The following ITPR2 variants were observed in gnomAD, a reference collection of about 807,000 sequenced individuals.
ITPR2 encodes inositol 1,4,5-trisphosphate receptor type 2.
A neutral mutation model predicts 317.1 loss-of-function variants in ITPR2; 207 were observed. The ratio of observed to expected loss-of-function variants is 0.65; its 90% CI spans 0.58 to 0.73. The LOEUF is 0.73. Among genes scored for constraint, ITPR2 ranks in the 30% least tolerant of loss-of-function variants. The pLI is 0.00. For synonymous variants in ITPR2, 1,156 were observed against 1,149.1 expected (o/e 1.01, Z -0.12); for missense variants, 2,613 against 3,284.0 (o/e 0.80, Z 4.99).
At chr12:26,748,773 T>A (rs1949368403) in intron 2 of ITPR2, among the ~76,000 whole-genome samples, 1 of 152,166 alleles carries the variant, frequency 6.6e-6, no homozygotes, top group Admixed American at 6.5e-5. Context: ...GGGTGATGAG[T>A]CACTGGAGAG....
chr12:26,404,167 G>A (rs1464429151), intron 52 of ITPR2, among the ~76,000 whole-genome samples: 1 of 152,146 alleles, frequency 6.6e-6, no homozygotes, highest in Non-Finnish European at 1.5e-5. Flanking sequence ...GGAGAGAAGA[G>A]GCAAAGGATG....
intron 45 of ITPR2, among the ~76,000 whole-genome samples, chr12:26,457,532 A>G (rs748717048): frequency 3.3e-5 from 5 of 152,198 alleles, no homozygotes; most frequent in African/African-American, 4.8e-5. Flanking sequence ...GTGTTAGAGA[A>G]CACTCTACAG....
intron 26 of ITPR2, among the ~76,000 whole-genome samples, chr12:26,606,352 CT>C (rs1334698402): frequency 1.3e-5 from 2 of 152,136 alleles, no homozygotes; most frequent in Admixed American, 6.6e-5. Context: ...TTTATTCCCC[CT>C]AATAGAATAT....
intron 55 of ITPR2, among the ~76,000 whole-genome samples, chr12:26,344,989 C>T (rs1036478724): frequency 1.3e-5 from 2 of 152,112 alleles, no homozygotes; most frequent in Non-Finnish European, 1.5e-5. Context: ...TGTTTCTCAG[C>T]CTTTTCTCTC....
Position 26,595,445 on chromosome 12 carries a change from G to A in ITPR2, c.4380+20C>T, listed in dbSNP as rs762944417. The A allele has an allele frequency of 1.2e-6, 2 of 1,600,424 alleles. No homozygotes were observed. Among genetic ancestry groups the A allele is most frequent in the Non-Finnish European group, 1.7e-6 (2 of 1,175,878 alleles). On this transcript the variant is annotated intron_variant, in intron 32 of 56. Transcript: ENST00000381340. ...TCGAAATATCTATTGACACCCTTCA[G>A]TAGTCAAAATCTAACTTACCCTTGC... is the stretch of plus-strand genomic sequence containing the variant.
intron 34 of ITPR2, among the ~76,000 whole-genome samples, chr12:26,562,603 A>C (rs1278478665): frequency 6.6e-6 from 1 of 152,236 alleles, no homozygotes; most frequent in Non-Finnish European, 1.5e-5. Context: ...AGAAGAGAAG[A>C]AACTGCCCCA....
chr12:26,439,047 T>G, intron 47 of ITPR2, 80 bp downstream of exon 47: 133 of 832,176 alleles, frequency 1.6e-4, no homozygotes, highest in Middle Eastern at 4.7e-4. Flanking sequence ...ACAATTTAAA[T>G]GAGCTGCATC....
intron 1 of ITPR2, among the ~76,000 whole-genome samples, chr12:26,792,069 A>T (rs528329271): frequency 1.5e-4 from 23 of 152,288 alleles, no homozygotes; most frequent in Non-Finnish European, 3.2e-4. Context: ...CATCAAGAGG[A>T]ATGAGAACTG....
At position 26,814,477 on chromosome 12, in the gene ITPR2, C is replaced by G. The variant is rs1950814012; in HGVS notation, c.92+18213G>C. 2.0e-5 allele frequency among the ~76,000 whole-genome samples: 3 copies of G among 152,054 alleles called. No individual in the cohort carries two copies. The South Asian group carries it at 6.2e-4, about 32-fold the overall frequency. On this transcript the variant is annotated intron_variant, in intron 1 of 56. Transcript: ENST00000381340. ...ATTAAAAATTACAAAATAGATACAC[C>G]AGTTCTTTATCACATCCAGGAGTGT...
chr12:26,701,319 C>A (rs1426780334), intron 9 of ITPR2, among the ~76,000 whole-genome samples: 1 of 152,054 alleles, frequency 6.6e-6, no homozygotes, highest in African/African-American at 2.4e-5. Flanking sequence ...CTTTTTTTTA[C>A]AATGAAATGT....
chr12:26,534,281 G>T (rs977769764), intron 37 of ITPR2, among the ~76,000 whole-genome samples: 1 of 152,316 alleles, frequency 6.6e-6, no homozygotes, highest in African/African-American at 2.4e-5. Context: ...CAGCAAAATT[G>T]TATGCAAACA....
intron 1 of ITPR2, among the ~76,000 whole-genome samples, chr12:26,810,896 GC>G (rs1335893745): frequency 2.0e-5 from 3 of 151,906 alleles, no homozygotes; most frequent in Non-Finnish European, 1.5e-5. Flanking sequence ...AAACTCCTGG[GC>G]GCAAGCAATC....
chr12:26,513,540 G>C (rs941788624), intron 37 of ITPR2, among the ~76,000 whole-genome samples: 16 of 147,588 alleles, frequency 1.1e-4, no homozygotes, highest in Admixed American at 2.2e-4. Context: ...ACTTTGTTCA[G>C]ACCTCTCTCT....
intron 37 of ITPR2, among the ~76,000 whole-genome samples, chr12:26,532,576 T>C (rs569086169): frequency 6.6e-6 from 1 of 152,296 alleles, no homozygotes; most frequent in African/African-American, 2.4e-5. Context: ...TTGTAAAGTG[T>C]TGGGATCACA....
chr12:26,545,886 T>C (rs1944381783), intron 37 of ITPR2, among the ~76,000 whole-genome samples: 1 of 152,182 alleles, frequency 6.6e-6, no homozygotes, highest in Admixed American at 6.5e-5. Flanking sequence ...CCCAAACTGG[T>C]TGTTTGAATC....
At chr12:26,628,257 C>T in intron 22 of ITPR2, 95 bp from the exon 23 acceptor site, 1 of 901,100 alleles carries the variant, frequency 1.1e-6, no homozygotes, top group Non-Finnish European at 1.6e-6. Context: ...GAAGTACCAA[C>T]CTTTCAAAGG....
chr12:26,454,366 A>G (rs1591798932), intron 45 of ITPR2, among the ~76,000 whole-genome samples: 2 of 151,962 alleles, frequency 1.3e-5, no homozygotes, highest in Non-Finnish European at 2.9e-5. Flanking sequence ...CACCATGACC[A>G]GCTAATTTTT....
chr12:26,685,767 A>C (rs1948113082), intron 11 of ITPR2, among the ~76,000 whole-genome samples: 1 of 152,068 alleles, frequency 6.6e-6, no homozygotes, highest in South Asian at 2.1e-4. Flanking sequence ...CACCCAGTAA[A>C]TTTCAACATT....
intron 2 of ITPR2, among the ~76,000 whole-genome samples, chr12:26,752,892 G>T (rs1049688997): frequency 5.3e-5 from 8 of 152,050 alleles, no homozygotes; most frequent in African/African-American, 1.4e-4. Context: ...TGGTGACCAC[G>T]GAAGCAACTA....
Sources: gnomAD v4.1 joint callset for allele counts (sites outside exome capture counted in the v4.1 genomes callset) on GRCh38, gnomAD v4.1.1 for gene constraint, MANE v1.5 for transcripts, NCBI Gene and HGNC (gene_info 2026-07-23, HGNC 2026-07-21) for gene names.